The following PIEZO2 variants were observed in gnomAD, a reference collection of about 807,000 sequenced individuals.
The protein encoded by PIEZO2 is piezo-type mechanosensitive ion channel component 2.
In PIEZO2, 172 loss-of-function variants were observed where a neutral mutation model predicts 337.3. The observed-to-expected ratio is 0.51, with a 90% confidence interval of 0.45 to 0.58. The LOEUF is 0.58. Ranked by LOEUF, PIEZO2 falls within the 20% of genes least tolerant of loss-of-function variation. The pLI, the probability that PIEZO2 is intolerant of heterozygous loss-of-function variation, is 0.00. For missense variants in PIEZO2, 3,028 were observed against 3,391.3 expected (o/e 0.89, Z 2.66); for synonymous variants, 1,251 against 1,228.5 (o/e 1.02, Z -0.38).
intron 14 of PIEZO2, 77 bp downstream of exon 14, chr18:10,791,124 C>G: frequency 7.4e-7 from 1 of 1,358,846 alleles, no homozygotes; most frequent in Non-Finnish European, 9.7e-7. Context: ...CTGAAGCTGT[C>G]TGATGTATTT....
rs1202643583 is a variant in PIEZO2 at position 11,132,229 on chromosome 18, A to C, written c.64+16296T>G. The stretch of plus-strand genomic sequence containing the variant: ...AAGACTACCATCCATGGACTCACAG[A>C]ATGCCTTATCCACCAACATGGTATT... On this transcript the variant is annotated intron_variant, in intron 1 of 55. Transcript: ENST00000674853. The surrounding 1 kb of genome is among the most constrained non-coding windows in gnomAD (Gnocchi z 4.7). 6.6e-6 allele frequency among the ~76,000 whole-genome samples: 1 copy of C among 152,122 alleles called. No individual in the cohort carries two copies. The highest frequency in any genetic ancestry group is 1.5e-5 in the Non-Finnish European group (1 of 68,010).
chr18:11,054,611 C>T lies in PIEZO2; in HGVS notation c.160+11516G>A, dbSNP rs552530351. 6.6e-5 allele frequency among the ~76,000 whole-genome samples: 10 copies of T among 152,338 alleles called. No individual in the cohort carries two copies. In the East Asian group the frequency reaches 1.9e-3, roughly 29 times the overall value. On this transcript the variant is annotated intron_variant, in intron 2 of 55. Coordinates refer to ENST00000674853, the MANE Select transcript of PIEZO2 (RefSeq NM_001378183.1). ...TACATAAATGTATTAACATAAAACC[C>T]TGACTTGGTTTACAGTGAGATGCTC...
intron 21 of PIEZO2, among the ~76,000 whole-genome samples, chr18:10,764,412 T>C (rs916330535): frequency 6.6e-6 from 1 of 151,700 alleles, no homozygotes; most frequent in Admixed American, 6.6e-5. Context: ...GAGGCCAAGG[T>C]GGGTGGATCA....
intron 1 of PIEZO2, among the ~76,000 whole-genome samples, chr18:11,108,789 T>C (rs146505341): frequency 3.3e-5 from 5 of 152,118 alleles, no homozygotes; most frequent in Non-Finnish European, 4.4e-5. Flanking sequence ...CCACAGCTGG[T>C]TTGTAGCAGA....
At chr18:10,725,747 G>C (rs570077857) in intron 36 of PIEZO2, among the ~76,000 whole-genome samples, 3 of 152,332 alleles carry the variant, frequency 2.0e-5, no homozygotes, top group Admixed American at 2.0e-4. Context: ...GGCAGGGCTG[G>C]TGAGGCCCTG....
intron 4 of PIEZO2, among the ~76,000 whole-genome samples, chr18:10,900,212 A>AC (rs2043011181): frequency 7.7e-6 from 1 of 130,310 alleles, no homozygotes; most frequent in Non-Finnish European, 1.7e-5. Context: ...CACACACACA[A>AC]ACACCTAAAT....
Position 11,148,417 on chromosome 18 carries a change from C to G in PIEZO2, c.64+108G>C, listed in dbSNP as rs746792878. 9 of 1,306,884 alleles carry G rather than the reference C, an allele frequency of 6.9e-6. No homozygotes were observed. The highest frequency in any genetic ancestry group is 9.5e-6 in the Non-Finnish European group (9 of 946,882). 81.0% of individuals were successfully genotyped at this position (1,306,884 alleles called of 1,614,324 possible). ...GCGCGCGTCTGACGCCGCTGGCCTC[C>G]CGAATCGAACCCCAGAGCACCAGAG... On this transcript the variant is annotated intron_variant, in intron 1 of 55. Coordinates refer to ENST00000674853, the MANE Select transcript of PIEZO2 (RefSeq NM_001378183.1). The surrounding 1 kb of genome is among the most constrained non-coding windows in gnomAD (Gnocchi z 5.2).
In PIEZO2 at chr18:10,834,465, GC is replaced by G. The variant is rs1202638017; in HGVS notation, c.917+20887del. On this transcript the variant is annotated intron_variant, in intron 7 of 55. Coordinates refer to ENST00000674853, the MANE Select transcript of PIEZO2 (RefSeq NM_001378183.1). This position sits in a 1 kb window ranked among gnomAD's most constrained non-coding sequence, Gnocchi z 4.5. Reference sequence around the variant, plus strand: ...CTATGATATTATCACTATTAGCCCAGCCCCACTCTGTGATGCAGGTGCCGGC... The same window carrying G: ...CTATGATATTATCACTATTAGCCCAGCCCACTCTGTGATGCAGGTGCCGGC... Among the ~76,000 whole-genome samples, 3 of 152,198 alleles carry G rather than the reference GC, an allele frequency of 2.0e-5. No homozygotes were observed. Among genetic ancestry groups the G allele is most frequent in the Non-Finnish European group, 4.4e-5 (3 of 68,034 alleles).
intron 47 of PIEZO2, 128 bp downstream of exon 47, chr18:10,695,946 C>T (rs1386720388): frequency 9.2e-6 from 8 of 866,062 alleles, no homozygotes; most frequent in Non-Finnish European, 1.3e-5. Context: ...CTCTTCCTAC[C>T]CGTGGTGCTG....
chr18:10,926,931 T>C (rs1029283820), intron 3 of PIEZO2, among the ~76,000 whole-genome samples: 5 of 152,364 alleles, frequency 3.3e-5, no homozygotes, highest in Admixed American at 2.0e-4. Context: ...AACTATGCAG[T>C]CTAACGGTGA....
chr18:10,786,133 C>T (rs2039214721), intron 16 of PIEZO2, among the ~76,000 whole-genome samples: 1 of 152,210 alleles, frequency 6.6e-6, no homozygotes, highest in Non-Finnish European at 1.5e-5. Context: ...TAAACCAGCT[C>T]CTCAGCAAAG....
chr18:10,704,314 A>T (rs543783081), intron 42 of PIEZO2, 80 bp downstream of exon 42: 1 of 1,482,274 alleles, frequency 6.7e-7, no homozygotes, highest in Non-Finnish European at 9.0e-7. Context: ...CCGTCTCAAG[A>T]GAGGGCACAG....
chr18:10,704,409 G>A lies in PIEZO2; in HGVS notation c.6243C>T (p.Ala2081=), dbSNP rs1340586376. The A allele has an allele frequency of 6.5e-7, 1 of 1,537,204 alleles. No individual in the cohort carries two copies. Among genetic ancestry groups the A allele is most frequent in the Non-Finnish European group, 8.7e-7 (1 of 1,146,914 alleles). ...PRPSRRFWMM[A]IVYTEVAIVV... ...CCAGGCCTACCTCAGTATAGACGAT[G>A]GCCATCATCCAGAACCGGCGGCTGG... is the stretch of plus-strand genomic sequence containing the variant. Residue 2081 remains alanine (A), a synonymous_variant, in exon 42 of 56, where the codon GCC becomes GCT. Coordinates refer to ENST00000674853, the MANE Select transcript of PIEZO2 (RefSeq NM_001378183.1).
chr18:10,719,177 TAAAC>T (rs1185171478), intron 36 of PIEZO2, among the ~76,000 whole-genome samples: 2 of 152,096 alleles, frequency 1.3e-5, no homozygotes, highest in African/African-American at 4.8e-5. Context: ...GAATGTAAGA[TAAAC>T]AAGAAATTTT....
In PIEZO2 at chr18:11,038,479, GTTTC is replaced by G. The variant is rs1174823343; in HGVS notation, c.160+27644_160+27647del. Among the ~76,000 whole-genome samples the G allele has an allele frequency of 2.0e-5, 3 of 152,064 alleles. No individual in the cohort carries two copies. The highest frequency in any genetic ancestry group is 1.3e-4 in the Admixed American group (2 of 15,268). ...TTCCAAAAGTTTTAGGTACAATGCA[GTTTC>G]TTGTGCTCATTCATCATTTTCCAAC... On this transcript the variant is annotated intron_variant, in intron 2 of 55. Transcript: ENST00000674853. The surrounding 1 kb of genome is among the most constrained non-coding windows in gnomAD (Gnocchi z 4.1).
chr18:10,748,869 C>T lies in PIEZO2; in HGVS notation c.4265-239G>A, dbSNP rs1272821561. On this transcript the variant is annotated intron_variant, in intron 29 of 55. Transcript: ENST00000674853. The surrounding 1 kb of genome is among the most constrained non-coding windows in gnomAD (Gnocchi z 5.1). ...CTTCACACTACAAGGCTCAGGAGGG[C>T]CCTTTTTACGTGGGAGGCCTCTTGA... 1.3e-5 allele frequency among the ~76,000 whole-genome samples: 2 copies of T among 152,108 alleles called. No homozygotes were observed. Among genetic ancestry groups the T allele is most frequent in the African/African-American group, 4.8e-5 (2 of 41,406 alleles).
At chr18:10,742,981 T>C (rs1186413979) in intron 31 of PIEZO2, among the ~76,000 whole-genome samples, 1 of 152,176 alleles carries the variant, frequency 6.6e-6, no homozygotes, top group African/African-American at 2.4e-5. Flanking sequence ...ACAAGTCCTT[T>C]ATTCTCCCAA....
chr18:10,957,746 A>G (rs1160559241), intron 3 of PIEZO2, among the ~76,000 whole-genome samples: 1 of 152,256 alleles, frequency 6.6e-6, no homozygotes, highest in African/African-American at 2.4e-5. Flanking sequence ...GCATTGAAAG[A>G]AAATATTTGC....
At position 10,746,855 on chromosome 18, in the gene PIEZO2, G is replaced by A. The variant is rs1288405497; in HGVS notation, c.4424+1616C>T. On this transcript the variant is annotated intron_variant, in intron 30 of 55. Transcript: ENST00000674853. The surrounding 1 kb of genome is among the most constrained non-coding windows in gnomAD (Gnocchi z 4.2). ...GCCTGTGGAACTGTAAGAATTGAGT[G>A]TATACTGTTTATAGACCACCTACTT... Among the ~76,000 whole-genome samples, 1 of 152,168 alleles carries A rather than the reference G, an allele frequency of 6.6e-6. No individual in the cohort carries two copies. Among genetic ancestry groups the A allele is most frequent in the Non-Finnish European group, 1.5e-5 (1 of 68,042 alleles).
Sources: gnomAD v4.1 joint callset for allele counts (sites outside exome capture counted in the v4.1 genomes callset) on GRCh38, gnomAD v4.1.1 for gene constraint, Gnocchi (gnomAD v3.1) non-coding constraint, MANE v1.5 for transcripts, NCBI Gene and HGNC (gene_info 2026-07-23, HGNC 2026-07-21) for gene names.